CSMD1: variants seen among roughly 807,000 people sequenced by gnomAD.
CSMD1 encodes the protein CUB and Sushi multiple domains 1, also known as CUB and sushi domain-containing protein 1.
CSMD1 carries 213 observed loss-of-function variants against 417.5 expected under a neutral mutation model. The observed-to-expected ratio is 0.51, with a 90% CI of 0.46 to 0.57. CSMD1 has a LOEUF of 0.57. Ranked by LOEUF, CSMD1 falls within the 20% of genes least tolerant of loss-of-function variation. The pLI, the probability that CSMD1 is intolerant of heterozygous loss-of-function variation, is 0.00. For missense variants in CSMD1, 6,923 were observed against 4,529.7 expected, an observed-to-expected ratio of 1.53 and a Z score of -15.17; for synonymous variants, 2,862 against 1,736.8, an observed-to-expected ratio of 1.65 and a Z score of -16.11.
rs537430710 is a variant in CSMD1 at position 4,363,280 on chromosome 8, T to C, written c.415+56673A>G. Among the ~76,000 whole-genome samples the C allele has an allele frequency of 9.2e-5, 14 of 152,306 alleles. No individual in the cohort carries two copies. The South Asian group carries it at 2.7e-3, about 29-fold the overall frequency. ...ATTATCACCCCTTAAAGGAGCCTTTTCAAAGTTTTTCCCTCCTGCCCGTCA... is the reference window on the plus strand; with the variant it reads ...ATTATCACCCCTTAAAGGAGCCTTTCCAAAGTTTTTCCCTCCTGCCCGTCA... On this transcript the variant is annotated intron_variant, in intron 3 of 69. Transcript: ENST00000635120.
At position 4,451,360 on chromosome 8, in the gene CSMD1, G is replaced by C. The variant is rs188322986; in HGVS notation, c.303-31295C>G. Among the ~76,000 whole-genome samples the C allele has an allele frequency of 9.9e-5, 15 of 152,140 alleles. No individual in the cohort carries two copies. The East Asian group carries it at 1.4e-3, about 14-fold the overall frequency. On this transcript the variant is annotated intron_variant, in intron 2 of 69. Coordinates refer to ENST00000635120, the MANE Select transcript of CSMD1 (RefSeq NM_033225.6). ...GCAAGACCCTGACTCAAAATAATAA[G>C]GCAATCACAAGTGTTTATGGAAGAT...
intron 50 of CSMD1, among the ~76,000 whole-genome samples, chr8:3,039,543 T>C (rs1057109247): frequency 4.4e-4 from 66 of 151,550 alleles, no homozygotes; most frequent in African/African-American, 1.5e-3. Context: ...CCTTCTTTCC[T>C]TCCTTCCTTT....
chr8:3,600,701 G>C (rs1050559297), intron 8 of CSMD1, among the ~76,000 whole-genome samples: 1 of 152,092 alleles, frequency 6.6e-6, no homozygotes, highest in Admixed American at 6.6e-5. Flanking sequence ...CTGCAGGGGC[G>C]GTAATTTTAC....
chr8:4,201,676 C>A (rs549791098), intron 3 of CSMD1, among the ~76,000 whole-genome samples: 1 of 150,372 alleles, frequency 6.7e-6, no homozygotes, highest in East Asian at 2.0e-4. Context: ...CTATAATTTA[C>A]TCAAGTGTTA....
intron 3 of CSMD1, among the ~76,000 whole-genome samples, chr8:4,300,963 T>A (rs1458716511): frequency 6.6e-6 from 1 of 152,212 alleles, no homozygotes; most frequent in African/African-American, 2.4e-5. Context: ...GTTCCAAGTC[T>A]TTACTATTGT....
Position 3,429,113 on chromosome 8 carries a change from C to G in CSMD1, c.1562-19508G>C, listed in dbSNP as rs536983886. ...GGTAGAAGTAAGAAGTTCTTGTGTG[C>G]TATTGTACAGAAGGGTGATTACACT... On this transcript the variant is annotated intron_variant, in intron 12 of 69. Coordinates refer to ENST00000635120, the MANE Select transcript of CSMD1 (RefSeq NM_033225.6). 2.6e-5 allele frequency among the ~76,000 whole-genome samples: 4 copies of G among 152,180 alleles called. No homozygotes were observed. The East Asian group carries it at 7.7e-4, about 29-fold the overall frequency.
At chr8:4,520,107 G>C (rs1031749166) in intron 2 of CSMD1, among the ~76,000 whole-genome samples, 5 of 152,050 alleles carry the variant, frequency 3.3e-5, no homozygotes, top group African/African-American at 1.2e-4. Context: ...TGATGTTCTG[G>C]TTTTTATTTA....
intron 10 of CSMD1, among the ~76,000 whole-genome samples, chr8:3,516,984 C>G (rs1463612942): frequency 6.6e-6 from 1 of 152,132 alleles, no homozygotes; most frequent in Non-Finnish European, 1.5e-5. Context: ...AGGGTGAAAA[C>G]ACAGAAAACA....
At chr8:4,777,130 G>C (rs1198009786) in intron 1 of CSMD1, among the ~76,000 whole-genome samples, 2 of 152,140 alleles carry the variant, frequency 1.3e-5, no homozygotes, top group African/African-American at 4.8e-5. Flanking sequence ...TTCACAGTGA[G>C]CTCCACATTG....
chr8:3,654,714 T>A (rs566832178), intron 7 of CSMD1, among the ~76,000 whole-genome samples: 2 of 152,178 alleles, frequency 1.3e-5, no homozygotes, highest in African/African-American at 4.8e-5. Flanking sequence ...CAGGGACACA[T>A]TGGGCATCTC....
intron 3 of CSMD1, among the ~76,000 whole-genome samples, chr8:4,326,445 G>C (rs1344326806): frequency 6.6e-6 from 1 of 152,118 alleles, no homozygotes; most frequent in Admixed American, 6.6e-5. Flanking sequence ...CTGAGCAAGA[G>C]GTAAAGAATG....
intron 3 of CSMD1, among the ~76,000 whole-genome samples, chr8:4,164,611 C>T (rs1222403669): frequency 6.6e-6 from 1 of 152,110 alleles, no homozygotes; most frequent in Non-Finnish European, 1.5e-5. Context: ...ATTTAGGTAC[C>T]TTATTGGTTT....
chr8:4,493,268 T>C (rs1317211183), intron 2 of CSMD1, among the ~76,000 whole-genome samples: 1 of 152,172 alleles, frequency 6.6e-6, no homozygotes, highest in Non-Finnish European at 1.5e-5. Context: ...TAATTGTCAT[T>C]CTTCCTAAAA....
chr8:3,813,583 T>C (rs537403080), intron 5 of CSMD1, among the ~76,000 whole-genome samples: 1 of 152,160 alleles, frequency 6.6e-6, no homozygotes, highest in Non-Finnish European at 1.5e-5. Context: ...TAACAAGAAT[T>C]TTAAGATATT....
chr8:3,653,405 T>C (rs893813615), intron 7 of CSMD1, among the ~76,000 whole-genome samples: 14 of 152,118 alleles, frequency 9.2e-5, no homozygotes, highest in African/African-American at 3.4e-4. Flanking sequence ...GCCTCCTGGA[T>C]TCAAACGATT....
chr8:3,066,241 T>A lies in CSMD1; in HGVS notation c.7475-13594A>T, dbSNP rs139071015. Among the ~76,000 whole-genome samples, 371 of 152,306 alleles carry A rather than the reference T, an allele frequency of 2.4e-3. 3 individuals carry two copies. Among genetic ancestry groups the A allele is most frequent in the Admixed American group, 0.019 (291 of 15,292 alleles). On this transcript the variant is annotated intron_variant, in intron 49 of 69. Coordinates refer to ENST00000635120, the MANE Select transcript of CSMD1 (RefSeq NM_033225.6). ...CTACAACAGCTAATGAAATGAAGCA[T>A]TTCAATATCCAAACTCCAGTAATTA... is the stretch of plus-strand genomic sequence containing the variant.
chr8:4,852,583 G>A (rs551775474), intron 1 of CSMD1, among the ~76,000 whole-genome samples: 1 of 152,214 alleles, frequency 6.6e-6, no homozygotes, highest in East Asian at 1.9e-4. Flanking sequence ...ACAGAAAAAT[G>A]GTACCAGGAG....
intron 26 of CSMD1, among the ~76,000 whole-genome samples, chr8:3,253,069 A>G (rs1451002732): frequency 6.6e-6 from 1 of 151,780 alleles, no homozygotes; most frequent in Admixed American, 6.6e-5. Flanking sequence ...TCCTTCTGCT[A>G]GCTTTTGAGT....
At chr8:3,516,787 T>G (rs1585289281) in intron 10 of CSMD1, among the ~76,000 whole-genome samples, 1 of 152,082 alleles carries the variant, frequency 6.6e-6, no homozygotes, top group Non-Finnish European at 1.5e-5. Context: ...TAACTAAAAG[T>G]AGAACTACCA....
Sources: allele counts gnomAD v4.1 joint callset (sites outside exome capture counted in the v4.1 genomes callset), GRCh38; gene constraint gnomAD v4.1.1; transcripts MANE v1.5; gene names NCBI Gene and HGNC (gene_info 2026-07-23, HGNC 2026-07-21).